MSH6: variants seen among roughly 807,000 people sequenced by gnomAD.
MSH6 encodes DNA mismatch repair protein Msh6.
Under a neutral mutation model 119.1 loss-of-function variants are expected in MSH6, and 85 were observed. That is an observed-to-expected ratio of 0.71 (90% CI 0.60 to 0.85). MSH6 has a LOEUF of 0.85. Among genes scored for constraint, MSH6 ranks in the 40% least tolerant of loss-of-function variants. MSH6 has a pLI of 0.00. For synonymous variants in MSH6, 830 were observed against 586.9 expected, an observed-to-expected ratio of 1.41 and a Z score of -5.99; for missense variants, 2,163 against 1,655.3, an observed-to-expected ratio of 1.31 and a Z score of -5.32.
intron 4 of MSH6, among the ~76,000 whole-genome samples, chr2:47,801,733 C>T (rs1669610681): frequency 6.6e-6 from 1 of 152,082 alleles, no homozygotes; most frequent in African/African-American, 2.4e-5. Context: ...TGCTCTGTTA[C>T]CCAGGACAGA....
In MSH6 at chr2:47,803,645, C is replaced by T. The variant is rs730881805; in HGVS notation, c.3398C>T (p.Thr1133Ile). Residue 1133 changes from threonine (T) to isoleucine (I), a missense_variant, in exon 5 of 10, where the codon ACT (threonine) becomes ATT (isoleucine). Physicochemically the swap from Thr to Ile is moderately conservative, Grantham distance 89. Coordinates refer to ENST00000234420, the MANE Select transcript of MSH6 (RefSeq NM_000179.3). ...ENGKAYCVLVTGPNMGGKSTL... is the reference protein window; with the variant it reads ...ENGKAYCVLVIGPNMGGKSTL... ...GGCAAAGCCTATTGTGTGCTTGTTA[C>T]TGGACCAAATATGGGGGGCAAGTCT... 1 of 1,614,184 alleles carries T rather than the reference C, an allele frequency of 6.2e-7. No homozygotes were observed. Among genetic ancestry groups the T allele is most frequent in the Non-Finnish European group, 8.5e-7 (1 of 1,180,034 alleles).
intron 2 of MSH6, among the ~76,000 whole-genome samples, chr2:47,791,680 T>TC (rs1668737913): frequency 1.3e-5 from 2 of 149,814 alleles, no homozygotes; most frequent in South Asian, 4.2e-4. Context: ...TCTTTCTTTT[T>TC]TTTTTTTTTT....
chr2:47,791,144 G>T lies in MSH6; in HGVS notation c.457+21G>T, dbSNP rs1228720672. The T allele has an allele frequency of 1.9e-6, 3 of 1,594,928 alleles. No homozygotes were observed. The Admixed American group carries it at 5.0e-5, about 27-fold the overall frequency. ...TACAGGTAAGAGTCACTACTGCCAT[G>T]TGTGTGTGTTTGTGTGTGTGTGTGT... On this transcript the variant is annotated intron_variant, in intron 2 of 9. Transcript: ENST00000234420.
rs878853699 is a variant in MSH6, at chr2:47,799,114, G to C, written c.1131G>C (p.Lys377Asn). Residue 377 changes from lysine to asparagine, a missense_variant, in exon 4 of 10, where the codon AAG becomes AAC. Coordinates refer to ENST00000234420, the MANE Select transcript of MSH6 (RefSeq NM_000179.3). ...HETLEWLKEEKRRDEHRRRPD... is the reference protein window; with the variant it reads ...HETLEWLKEENRRDEHRRRPD... ...CTTTAGAATGGCTTAAGGAGGAAAA[G>C]AGAAGAGATGAGCACAGGAGGAGGC... is the stretch of plus-strand genomic sequence containing the variant. 1 of 1,614,180 alleles carries C rather than the reference G, an allele frequency of 6.2e-7. No homozygotes were observed. Among genetic ancestry groups the C allele is most frequent in the Non-Finnish European group, 8.5e-7 (1 of 1,180,004 alleles).
chr2:47,801,358 T>A, intron 4 of MSH6: 1 of 394,548 alleles, frequency 2.5e-6, no homozygotes, highest in Non-Finnish European at 4.4e-6. Flanking sequence ...TGGCCTTTCT[T>A]CAGTTTTTTT....
At chr2:47,795,655 G>C (rs1161227267) in intron 2 of MSH6, among the ~76,000 whole-genome samples, 5 of 151,632 alleles carry the variant, frequency 3.3e-5, no homozygotes, top group Non-Finnish European at 1.5e-5. Context: ...TTTTTTGGTA[G>C]AGATGGGGTT....
rs1558650240 is a variant in MSH6, at chr2:47,788,922, G to GTTTTTTTTTTTTTTTTTTTTTTTTTTTT, written c.261-1980_261-1979insTTTTTTTTTTTTTTTTTTTTTTTTTTTT. 7.3e-5 allele frequency among the ~76,000 whole-genome samples: 3 copies of GTTTTTTTTTTTTTTTTTTTTTTTTTTTT among 40,950 alleles called. 1 individual carries two copies. The highest frequency in any genetic ancestry group is 1.3e-4 in the Non-Finnish European group (3 of 23,606). The allele number at this position is 40,950 out of a possible 152,430, so 26.9% of individuals were successfully genotyped here. A position where few individuals can be genotyped will look rare whatever the true frequency, so the allele number is the denominator to read the frequency against. Reference sequence around the variant, plus strand: ...TTTCTTCTTCCTTTTTTTTTTTTTTGTTTTTTTTTTTTTTTTTTTTTTTTT... The same window carrying GTTTTTTTTTTTTTTTTTTTTTTTTTTTT: ...TTTCTTCTTCCTTTTTTTTTTTTTTGTTTTTTTTTTTTTTTTTTTTTTTTTTTTTTTTTTTTTTTTTTTTTTTTTTTTT... On this transcript the variant is annotated intron_variant, in intron 1 of 9. Coordinates refer to ENST00000234420, the MANE Select transcript of MSH6 (RefSeq NM_000179.3).
At chr2:47,798,508 C>G (rs1291443108) in intron 3 of MSH6, 103 bp from the exon 4 acceptor site, 2 of 1,188,684 alleles carry the variant, frequency 1.7e-6, no homozygotes, top group Non-Finnish European at 1.2e-6. Flanking sequence ...ACAGTGGCTG[C>G]ACGGGTACCA....
rs752542437 is a variant in MSH6, at chr2:47,805,719, A to G, written c.3646+12A>G. 13 of 1,549,770 alleles carry G rather than the reference A, an allele frequency of 8.4e-6. No homozygotes were observed. Among genetic ancestry groups the G allele is most frequent in the Non-Finnish European group, 1.1e-5 (13 of 1,135,758 alleles). On this transcript the variant is annotated intron_variant, in intron 7 of 9. Transcript: ENST00000234420. Reference sequence around the variant, plus strand: ...TGTGGATGAATTAGGTAAGACATTAAACTTCTCATTTGAAGACTATCTATC... The same window carrying G: ...TGTGGATGAATTAGGTAAGACATTAGACTTCTCATTTGAAGACTATCTATC...
At chr2:47,792,940 G>C (rs1183667212) in intron 2 of MSH6, among the ~76,000 whole-genome samples, 1 of 146,348 alleles carries the variant, frequency 6.8e-6, no homozygotes, top group East Asian at 2.0e-4. Flanking sequence ...TGATCCTTCT[G>C]CATCAGGCTC....
At chr2:47,788,297 C>CA (rs1313547452) in intron 1 of MSH6, among the ~76,000 whole-genome samples, 4 of 138,238 alleles carry the variant, frequency 2.9e-5, no homozygotes, top group Non-Finnish European at 6.1e-5. Flanking sequence ...CCCTGTCACC[C>CA]AGGCTGGAGT....
At chr2:47,788,946 T>TTTTTTTTTTTTTTTTTTG (rs1553409740) in intron 1 of MSH6, among the ~76,000 whole-genome samples, 4 of 115,750 alleles carry the variant, frequency 3.5e-5, no homozygotes, top group African/African-American at 6.8e-5. Context: ...TTTTTTTTTT[T>TTTTTTTTTTTTTTTTTTG]TGTGAGACGG....
intron 1 of MSH6, chr2:47,789,339 T>A (rs1668583420): frequency 7.4e-6 from 3 of 407,624 alleles, no homozygotes; most frequent in South Asian, 5.6e-5. Context: ...TGCTTATGTT[T>A]CTAATATTTT....
At chr2:47,792,146 G>GTA (rs1668769598) in intron 2 of MSH6, among the ~76,000 whole-genome samples, 1 of 151,942 alleles carries the variant, frequency 6.6e-6, no homozygotes, top group African/African-American at 2.4e-5. Flanking sequence ...GTGCCCAGCC[G>GTA]CCCAGCTAAT....
intron 4 of MSH6, among the ~76,000 whole-genome samples, chr2:47,802,335 TA>T (rs1381046979): frequency 2.0e-5 from 3 of 152,198 alleles, no homozygotes; most frequent in Non-Finnish European, 4.4e-5. Flanking sequence ...TTATGTTGTA[TA>T]TTTTTTTTAA....
chr2:47,787,892 G>A (rs549205840), intron 1 of MSH6, among the ~76,000 whole-genome samples: 1 of 152,218 alleles, frequency 6.6e-6, no homozygotes, highest in African/African-American at 2.4e-5. Context: ...ATAGGTGTGA[G>A]CCACCACACC....
At chr2:47,805,061 C>A in intron 6 of MSH6, 34 bp downstream of exon 6, 1 of 1,377,370 alleles carries the variant, frequency 7.3e-7, no homozygotes, top group Non-Finnish European at 1.0e-6. Flanking sequence ...AGTTCTCATT[C>A]AGTCATTTAG....
At position 47,803,571 on chromosome 2, in the gene MSH6, T is replaced by C. The variant is rs864622081; in HGVS notation, c.3324T>C (p.Phe1108=). ...CITKTFFGDD[F]IPNDILIGCE... Reference sequence around the variant, plus strand: ...CGAAGACTTTTTTTGGAGATGATTTTATTCCTAATGACATTCTAATAGGCT... The same window carrying C: ...CGAAGACTTTTTTTGGAGATGATTTCATTCCTAATGACATTCTAATAGGCT... Residue 1108 remains phenylalanine (F), a synonymous_variant, in exon 5 of 10, where the codon TTT becomes TTC. Transcript: ENST00000234420. 6.2e-7 allele frequency: 1 copy of C among 1,614,080 alleles called. No individual in the cohort carries two copies. The highest frequency in any genetic ancestry group is 8.5e-7 in the Non-Finnish European group (1 of 1,180,042).
Position 47,801,003 on chromosome 2 carries a change from G to A in MSH6, c.3020G>A (p.Trp1007Ter), listed in dbSNP as rs587779252. Residue 1007 changes from tryptophan (W) to a stop codon, truncating the protein, a stop_gained, in exon 4 of 10, where the codon TGG becomes TAG. Transcript: ENST00000234420. LOFTEE classifies it high-confidence loss of function. Reference sequence around the variant, plus strand: ...ACCAAGAAGGGCTGTAAACGATACTGGACCAAAACTATTGAAAAGAAGTTG... The same window carrying A: ...ACCAAGAAGGGCTGTAAACGATACTAGACCAAAACTATTGAAAAGAAGTTG... ...KSTKKGCKRY[W>*]TKTIEKKLAN... 1 of 1,568,776 alleles carries A rather than the reference G, an allele frequency of 6.4e-7. No individual in the cohort carries two copies. The highest frequency in any genetic ancestry group is 8.6e-7 in the Non-Finnish European group (1 of 1,159,372).
Sources: gnomAD v4.1 joint callset for allele counts (sites outside exome capture counted in the v4.1 genomes callset) on GRCh38, gnomAD v4.1.1 for gene constraint, MANE v1.5 for transcripts, NCBI Gene and HGNC (gene_info 2026-07-23, HGNC 2026-07-21) for gene names.